CRMP1: variants seen among roughly 807,000 people sequenced by gnomAD.
CRMP1 encodes dihydropyrimidinase-related protein 1.
A neutral mutation model predicts 68.3 loss-of-function variants in CRMP1; 19 were observed. The observed-to-expected ratio is 0.28, with a 90% CI of 0.19 to 0.41. The LOEUF (loss-of-function observed/expected upper bound fraction) is 0.41, where lower values mean the gene tolerates loss of function less well. Ranked by LOEUF, CRMP1 falls within the 10% of genes least tolerant of loss-of-function variation. CRMP1 has a pLI of 1.00. For missense variants in CRMP1, 791 were observed against 967.4 expected (o/e 0.82, Z 2.42); for synonymous variants, 439 against 399.6 (o/e 1.10, Z -1.18).
In CRMP1 at chr4:5,834,847, T is replaced by C. The variant is rs1022235899; in HGVS notation, c.1623+1068A>G. 1.3e-5 allele frequency among the ~76,000 whole-genome samples: 2 copies of C among 152,102 alleles called. No individual in the cohort carries two copies. The highest frequency in any genetic ancestry group is 2.4e-5 in the African/African-American group (1 of 41,430). ...AAGCAAGTAGTGTTACCAGGGAGCA[T>C]TGTGTATTATAAGAATGACCTGGAT... On this transcript the variant is annotated intron_variant, in intron 11 of 13. Coordinates refer to ENST00000324989, the MANE Select transcript of CRMP1 (RefSeq NM_001014809.3). The surrounding 1 kb of genome is among the most constrained non-coding windows in gnomAD (Gnocchi z 4.3).
chr4:5,870,741 T>C lies in CRMP1; in HGVS notation c.382-3985A>G, dbSNP rs1055542315. Among the ~76,000 whole-genome samples, 42 of 152,092 alleles carry C rather than the reference T, an allele frequency of 2.8e-4. No individual in the cohort carries two copies. Among genetic ancestry groups the C allele is most frequent in the Admixed American group, 2.6e-3 (39 of 15,272 alleles). On this transcript the variant is annotated intron_variant, in intron 1 of 13. Coordinates refer to ENST00000324989, the MANE Select transcript of CRMP1 (RefSeq NM_001014809.3). This position sits in a 1 kb window ranked among gnomAD's most constrained non-coding sequence, Gnocchi z 6.0. The stretch of plus-strand genomic sequence containing the variant: ...AGTTGCTCCTAGGCCCCACAACCTA[T>C]CTGTACCGCTAAAAAAGATGTGTGC...
At position 5,825,073 on chromosome 4, in the gene CRMP1, G is replaced by C. The variant is rs1180058592; in HGVS notation, c.1969+421C>G. On this transcript the variant is annotated intron_variant, in intron 13 of 13. Transcript: ENST00000324989. The surrounding 1 kb of genome is among the most constrained non-coding windows in gnomAD (Gnocchi z 4.4). ...AAATAAAATCATGGGTTATGAAAGT[G>C]CTTAGTACACTGCAGTGGGTGAACA... 1.2e-5 allele frequency: 12 copies of C among 985,296 alleles called. No homozygotes were observed. The highest frequency in any genetic ancestry group is 1.3e-5 in the Non-Finnish European group (11 of 829,946). 61.0% of individuals were successfully genotyped at this position (985,296 alleles called of 1,614,324 possible).
At chr4:5,849,963 G>T (rs1026070802) in intron 5 of CRMP1, among the ~76,000 whole-genome samples, 2 of 152,110 alleles carry the variant, frequency 1.3e-5, no homozygotes, top group Non-Finnish European at 2.9e-5. Flanking sequence ...GACAATGGTG[G>T]GGTGGGGGAA....
At position 5,889,668 on chromosome 4, in the gene CRMP1, A is replaced by AC. The variant is rs778223673; in HGVS notation, c.381+2920dup. On this transcript the variant is annotated intron_variant, in intron 1 of 13. Coordinates refer to ENST00000324989, the MANE Select transcript of CRMP1 (RefSeq NM_001014809.3). The surrounding 1 kb of genome is among the most constrained non-coding windows in gnomAD (Gnocchi z 4.5). ...GTTCATTTTCTGCATGCGAAATCCAACCCCACAGGTCCTATGAAACTACTC... is the reference window on the plus strand; with the variant it reads ...GTTCATTTTCTGCATGCGAAATCCAACCCCCACAGGTCCTATGAAACTACTC... 2.1e-5 allele frequency: 33 copies of AC among 1,535,920 alleles called. No homozygotes were observed. The highest frequency in any genetic ancestry group is 4.4e-6 in the Non-Finnish European group (5 of 1,146,892).
rs1045328113 is a variant in CRMP1 at position 5,888,027 on chromosome 4, A to T, written c.381+4562T>A. 5.9e-5 allele frequency among the ~76,000 whole-genome samples: 9 copies of T among 151,346 alleles called. No homozygotes were observed. Among genetic ancestry groups the T allele is most frequent in the African/African-American group, 1.9e-4 (8 of 41,192 alleles). On this transcript the variant is annotated intron_variant, in intron 1 of 13. Transcript: ENST00000324989. This position sits in a 1 kb window ranked among gnomAD's most constrained non-coding sequence, Gnocchi z 6.4. ...CTCCCGGCTCCAGCCCCGCCCCGCC[A>T]TGCGGGGCTCCCCCACCCCCATTGT... is the stretch of plus-strand genomic sequence containing the variant.
chr4:5,850,500 C>T lies in CRMP1; in HGVS notation c.882+908G>A, dbSNP rs1169750524. ...CCAAGTGTTTATCTGAAAGGAAGGA[C>T]ATAAAGTGCTTCTCCCGTTGCCCAT... On this transcript the variant is annotated intron_variant, in intron 5 of 13. Transcript: ENST00000324989. This position sits in a 1 kb window ranked among gnomAD's most constrained non-coding sequence, Gnocchi z 4.4. Among the ~76,000 whole-genome samples, 1 of 152,166 alleles carries T rather than the reference C, an allele frequency of 6.6e-6. No individual in the cohort carries two copies. The highest frequency in any genetic ancestry group is 2.4e-5 in the African/African-American group (1 of 41,440).
In CRMP1 at chr4:5,892,614, A is replaced by C. The variant is rs1716001927; in HGVS notation, c.356T>G (p.Leu119Arg). Residue 119 changes from leucine to arginine, a missense_variant, in exon 1 of 14, where the codon CTG becomes CGG. Physicochemically the swap from Leu to Arg is moderately radical, Grantham distance 102. Transcript: ENST00000324989. The surrounding 1 kb of genome is among the most constrained non-coding windows in gnomAD (Gnocchi z 8.6). The part of the protein sequence containing the change: ...LRIRRPAPRD[L>R]PLGRDNGQSD... ...CTGGCCATTGTCCCGGCCGAGGGGCAGGTCGCGGGGCGCGGGGCGGCGGAT... is the reference window on the plus strand; with the variant it reads ...CTGGCCATTGTCCCGGCCGAGGGGCCGGTCGCGGGGCGCGGGGCGGCGGAT... The C allele has an allele frequency of 8.4e-7, 1 of 1,187,904 alleles. No individual in the cohort carries two copies. 73.6% of individuals were successfully genotyped at this position (1,187,904 alleles called of 1,614,324 possible).
intron 1 of CRMP1, among the ~76,000 whole-genome samples, chr4:5,869,126 T>G (rs1714250321): frequency 1.3e-5 from 2 of 151,972 alleles, no homozygotes; most frequent in South Asian, 2.1e-4. Flanking sequence ...CTAATTTAAA[T>G]TTTTTTTGTA....
Position 5,841,728 on chromosome 4 carries a change from G to A in CRMP1, c.1033-300C>T, listed in dbSNP as rs1482509858. On this transcript the variant is annotated intron_variant, in intron 7 of 13. Transcript: ENST00000324989. The surrounding 1 kb of genome is among the most constrained non-coding windows in gnomAD (Gnocchi z 6.9). ...AGCTCGTGGCCATCCCTGGGCTGTG[G>A]AGCTCATGAAGAGCACTGGGTGGGA... is the stretch of plus-strand genomic sequence containing the variant. 6.6e-6 allele frequency among the ~76,000 whole-genome samples: 1 copy of A among 152,168 alleles called. No homozygotes were observed. The highest frequency in any genetic ancestry group is 1.5e-5 in the Non-Finnish European group (1 of 68,040).
intron 1 of CRMP1, among the ~76,000 whole-genome samples, chr4:5,871,597 T>C (rs1344161370): frequency 6.6e-6 from 1 of 151,516 alleles, no homozygotes; most frequent in Non-Finnish European, 1.5e-5. Context: ...GAGAAGGAGG[T>C]TGCAGTGAGC....
rs1715859212 is a variant in CRMP1, at chr4:5,889,864, T to C, written c.381+2725A>G. ...CCTGGGCCTTAAAATAGAGGTGAGG[T>C]TTTAGCTTCACAGAGAAGCCAGCTC... On this transcript the variant is annotated intron_variant, in intron 1 of 13. Transcript: ENST00000324989. The surrounding 1 kb of genome is among the most constrained non-coding windows in gnomAD (Gnocchi z 4.5). 2.8e-6 allele frequency: 4 copies of C among 1,433,186 alleles called. No homozygotes were observed. Among genetic ancestry groups the C allele is most frequent in the Non-Finnish European group, 3.6e-6 (4 of 1,096,512 alleles). 88.8% of individuals were successfully genotyped at this position (1,433,186 alleles called of 1,614,324 possible). A position where few individuals can be genotyped will look rare whatever the true frequency, so the allele number is the denominator to read the frequency against.
At chr4:5,839,458 A>G in intron 9 of CRMP1, 64 bp downstream of exon 9, 1 of 1,544,832 alleles carries the variant, frequency 6.5e-7, no homozygotes, top group South Asian at 1.2e-5. Context: ...GATTCCCACC[A>G]TTAACTCTCT....
At chr4:5,828,409 C>T (rs1357598954) in intron 12 of CRMP1, 80 bp downstream of exon 12, 11 of 1,537,880 alleles carry the variant, frequency 7.2e-6, no homozygotes, top group African/African-American at 5.5e-5. Flanking sequence ...TAACTCTGCA[C>T]ACGTCAGATC....
Position 5,879,176 on chromosome 4 carries a change from G to A in CRMP1, c.382-12420C>T, listed in dbSNP as rs1298374862. On this transcript the variant is annotated intron_variant, in intron 1 of 13. Transcript: ENST00000324989. This position sits in a 1 kb window ranked among gnomAD's most constrained non-coding sequence, Gnocchi z 4.2. ...CTGAGCCCGGCCCTCTCTCGGCCGC[G>A]CCCCACCACATCTATCTACGCACAC... Among the ~76,000 whole-genome samples, 11 of 152,042 alleles carry A rather than the reference G, an allele frequency of 7.2e-5. No individual in the cohort carries two copies. In the East Asian group the frequency reaches 1.4e-3, roughly 19 times the overall value.
chr4:5,878,243 C>T (rs1487543808), intron 1 of CRMP1, among the ~76,000 whole-genome samples: 4 of 151,952 alleles, frequency 2.6e-5, no homozygotes, highest in Admixed American at 2.0e-4. Context: ...CACTGCCTCT[C>T]GGTGGTGAGA....
At position 5,859,952 on chromosome 4, in the gene CRMP1, C is replaced by T. The variant is rs574986746; in HGVS notation, c.655+1074G>A. Among the ~76,000 whole-genome samples, 7 of 152,142 alleles carry T rather than the reference C, an allele frequency of 4.6e-5. No homozygotes were observed. In the South Asian group the frequency reaches 1.0e-3, roughly 23 times the overall value. On this transcript the variant is annotated intron_variant, in intron 3 of 13. Coordinates refer to ENST00000324989, the MANE Select transcript of CRMP1 (RefSeq NM_001014809.3). This position sits in a 1 kb window ranked among gnomAD's most constrained non-coding sequence, Gnocchi z 5.2. ...AAAGAACATTTACAATAAACTGTGG[C>T]CTATTTAATTAAAATTGCTTATTAA...
chr4:5,842,622 T>TCA lies in CRMP1; in HGVS notation c.1032+469_1032+470dup, dbSNP rs536969374. Among the ~76,000 whole-genome samples, 24 of 142,900 alleles carry TCA rather than the reference T, an allele frequency of 1.7e-4. No homozygotes were observed. The highest frequency in any genetic ancestry group is 8.1e-4 in the East Asian group (4 of 4,934). 93.7% of individuals were successfully genotyped at this position (142,900 alleles called of 152,430 possible). A position where few individuals can be genotyped will look rare whatever the true frequency, so the allele number is the denominator to read the frequency against. On this transcript the variant is annotated intron_variant, in intron 7 of 13. Coordinates refer to ENST00000324989, the MANE Select transcript of CRMP1 (RefSeq NM_001014809.3). The surrounding 1 kb of genome is among the most constrained non-coding windows in gnomAD (Gnocchi z 4.5). ...CTCACACACACACACACACACTCAC[T>TCA]CACACACACACACACGCACTGTCTC...
Position 5,849,480 on chromosome 4 carries a change from G to T in CRMP1, c.883-8C>A. ...GGTAAAGGCTTCATAGAGCTATGGA[G>T]AGATAAACAGGGGTTGGTGTGAGAT... On this transcript the variant is annotated splice_polypyrimidine_tract_variant and splice_region_variant and intron_variant, in intron 5 of 13. Transcript: ENST00000324989. 6.3e-7 allele frequency: 1 copy of T among 1,590,618 alleles called. No homozygotes were observed. The highest frequency in any genetic ancestry group is 8.6e-7 in the Non-Finnish European group (1 of 1,162,936).
chr4:5,846,247 G>C (rs1333511169), intron 6 of CRMP1, among the ~76,000 whole-genome samples: 2 of 152,196 alleles, frequency 1.3e-5, no homozygotes, highest in Non-Finnish European at 2.9e-5. Context: ...AATGAGCCAA[G>C]ATTGCACCAC....
Sources: allele counts gnomAD v4.1 joint callset (sites outside exome capture counted in the v4.1 genomes callset), GRCh38; gene constraint gnomAD v4.1.1; non-coding constraint Gnocchi (gnomAD v3.1); transcripts MANE v1.5; gene names NCBI Gene and HGNC (gene_info 2026-07-23, HGNC 2026-07-21).